AFF3: variants seen among roughly 807,000 people sequenced by gnomAD.
AFF3 encodes AF4/FMR2 family member 3.
A neutral mutation model predicts 129.7 loss-of-function variants in AFF3; 32 were observed. The ratio of observed to expected loss-of-function variants is 0.25; its 90% CI spans 0.19 to 0.33. The LOEUF (loss-of-function observed/expected upper bound fraction) is 0.33, where lower values mean the gene tolerates loss of function less well. Ranked by LOEUF, AFF3 falls within the 10% of genes least tolerant of loss-of-function variation. AFF3 has a pLI of 1.00. For missense variants in AFF3, 1,373 were observed against 1,592.0 expected, an observed-to-expected ratio of 0.86 and a Z score of 2.34; for synonymous variants, 644 against 635.4, an observed-to-expected ratio of 1.01 and a Z score of -0.20.
At chr2:99,924,679 C>T (rs1696095880) in intron 7 of AFF3, among the ~76,000 whole-genome samples, 1 of 152,180 alleles carries the variant, frequency 6.6e-6, no homozygotes, top group African/African-American at 2.4e-5. Context: ...TGTCACATTA[C>T]TTATAAACTC....
intron 13 of AFF3, among the ~76,000 whole-genome samples, chr2:99,624,698 G>C (rs888028667): frequency 6.6e-6 from 1 of 152,176 alleles, no homozygotes. Context: ...CTTAATGGCA[G>C]CAAGAAAAAG....
At chr2:99,930,649 C>A (rs144873866) in intron 7 of AFF3, among the ~76,000 whole-genome samples, 1 of 152,242 alleles carries the variant, frequency 6.6e-6, no homozygotes, top group East Asian at 1.9e-4. Context: ...CAATCTGAGA[C>A]TTGGGTTCAA....
At chr2:99,746,372 T>C (rs1043079112) in intron 9 of AFF3, among the ~76,000 whole-genome samples, 2 of 152,156 alleles carry the variant, frequency 1.3e-5, no homozygotes, top group Non-Finnish European at 2.9e-5. Context: ...TATATTCAAA[T>C]CCAAGTACTA....
At chr2:100,032,635 T>A (rs1276293467) in intron 4 of AFF3, among the ~76,000 whole-genome samples, 1 of 152,182 alleles carries the variant, frequency 6.6e-6, no homozygotes, top group African/African-American at 2.4e-5. Flanking sequence ...CTAGTACAAT[T>A]TTTTTCACAT....
Position 99,847,892 on chromosome 2 carries a change from T to C in AFF3, c.874-10368A>G, listed in dbSNP as rs1313582260. The stretch of plus-strand genomic sequence containing the variant: ...GGACCCAAGGTGAAGACAATCTCTC[T>C]GTATCTTGACGCCCACACTATTATT... On this transcript the variant is annotated intron_variant, in intron 7 of 24. Transcript: ENST00000672756. 2.6e-5 allele frequency among the ~76,000 whole-genome samples: 4 copies of C among 152,286 alleles called. No individual in the cohort carries two copies. In the East Asian group the frequency reaches 7.7e-4, roughly 29 times the overall value.
chr2:99,611,465 G>A (rs1427899579), intron 13 of AFF3, among the ~76,000 whole-genome samples: 8 of 152,112 alleles, frequency 5.3e-5, no homozygotes, highest in Non-Finnish European at 1.2e-4. Context: ...ATGTTGGCAG[G>A]GGAAGGGAGG....
chr2:100,036,421 CA>C (rs1176698855), intron 4 of AFF3, among the ~76,000 whole-genome samples: 1 of 151,908 alleles, frequency 6.6e-6, no homozygotes, highest in Admixed American at 6.6e-5. Flanking sequence ...TTCAGAATAA[CA>C]GGTAAAATAT....
At chr2:99,871,964 T>C (rs1050959529) in intron 7 of AFF3, among the ~76,000 whole-genome samples, 3 of 151,834 alleles carry the variant, frequency 2.0e-5, no homozygotes, top group African/African-American at 7.3e-5. Context: ...TCCCAGCACT[T>C]TGGGAGGCTG....
chr2:99,701,601 C>G (rs912515855), intron 11 of AFF3, among the ~76,000 whole-genome samples: 1 of 152,184 alleles, frequency 6.6e-6, no homozygotes, highest in Admixed American at 6.5e-5. Flanking sequence ...TCATGAGTAA[C>G]TGTAGTAAAA....
chr2:100,001,432 G>A (rs1051409216), intron 7 of AFF3, among the ~76,000 whole-genome samples: 2 of 151,980 alleles, frequency 1.3e-5, no homozygotes, highest in Non-Finnish European at 2.9e-5. Context: ...TTGTTTTTTG[G>A]TTTTTGGTTT....
intron 4 of AFF3, among the ~76,000 whole-genome samples, chr2:100,098,755 TG>T (rs1690476392): frequency 9.5e-6 from 1 of 105,552 alleles, no homozygotes; most frequent in African/African-American, 4.2e-5. Flanking sequence ...TGGTATCCTC[TG>T]GGGCCCCAGC....
At chr2:99,789,164 C>A (rs535085550) in intron 8 of AFF3, among the ~76,000 whole-genome samples, 1 of 152,066 alleles carries the variant, frequency 6.6e-6, no homozygotes, top group African/African-American at 2.4e-5. Context: ...TGGCCAGGTG[C>A]GGTGCCATGC....
chr2:99,945,596 C>T (rs948751321), intron 7 of AFF3, among the ~76,000 whole-genome samples: 2 of 152,164 alleles, frequency 1.3e-5, no homozygotes, highest in African/African-American at 4.8e-5. Flanking sequence ...TGCTATCTAG[C>T]AGGGGAAAAT....
intron 7 of AFF3, among the ~76,000 whole-genome samples, chr2:99,949,154 T>C (rs959447240): frequency 1.3e-5 from 2 of 152,150 alleles, no homozygotes; most frequent in Non-Finnish European, 2.9e-5. Context: ...ATCTGTAAAA[T>C]GGAAAAATAA....
At chr2:99,627,228 G>A (rs1682671389) in intron 13 of AFF3, among the ~76,000 whole-genome samples, 1 of 151,786 alleles carries the variant, frequency 6.6e-6, no homozygotes, top group African/African-American at 2.4e-5. Context: ...CCACAACCTC[G>A]CTAACATCTG....
At chr2:99,573,831 C>T (rs3792124) in intron 18 of AFF3, among the ~76,000 whole-genome samples, 20,848 of 152,158 alleles carry the variant, frequency 0.14, 1,542 homozygotes, top group South Asian at 0.25. Context: ...TTGTGACTGA[C>T]TTTTCCATGT....
intron 16 of AFF3, among the ~76,000 whole-genome samples, chr2:99,585,785 A>G (rs973000219): frequency 9.2e-5 from 14 of 152,016 alleles, no homozygotes; most frequent in African/African-American, 2.9e-4. Flanking sequence ...CTGGAGTGCC[A>G]TGGCACAATC....
chr2:99,788,176 A>G (rs1323859378), intron 8 of AFF3, among the ~76,000 whole-genome samples: 4 of 152,242 alleles, frequency 2.6e-5, no homozygotes, highest in Admixed American at 1.3e-4. Flanking sequence ...ATGATGTCAC[A>G]GGTTTATGTA....
intron 11 of AFF3, among the ~76,000 whole-genome samples, chr2:99,702,209 AT>A (rs1676936670): frequency 6.6e-6 from 1 of 152,166 alleles, no homozygotes; most frequent in South Asian, 2.1e-4. Context: ...TGTCTATACC[AT>A]TTTACATTTT....
Sources: gnomAD v4.1 joint callset for allele counts (sites outside exome capture counted in the v4.1 genomes callset) on GRCh38, gnomAD v4.1.1 for gene constraint, MANE v1.5 for transcripts, NCBI Gene and HGNC (gene_info 2026-07-23, HGNC 2026-07-21) for gene names.